Variants in MSN observed in about 807,000 individuals in gnomAD.
The protein encoded by MSN is moesin.
Under a neutral mutation model 48.0 loss-of-function variants are expected in MSN, and 2 were observed. The ratio of observed to expected loss-of-function variants is 0.04; its 90% CI spans 0.02 to 0.13. The LOEUF (loss-of-function observed/expected upper bound fraction) is 0.13, where lower values mean the gene tolerates loss of function less well. MSN is among the 10% of genes least tolerant of loss of function. The pLI is 1.00. For synonymous variants in MSN, 146 were observed against 166.9 expected (o/e 0.87, Z 0.97); for missense variants, 267 against 470.1 (o/e 0.57, Z 3.99).
chrX:65,660,163 C>T (rs767613804), intron 1 of MSN, among the ~76,000 whole-genome samples: 1 of 112,170 alleles, frequency 8.9e-6, no homozygotes, highest in South Asian at 3.7e-4. Context: ...AGCCCCTAAA[C>T]AATGTCTAGC....
chrX:65,622,725 C>T (rs2070462913), intron 1 of MSN, among the ~76,000 whole-genome samples: 1 of 109,928 alleles, frequency 9.1e-6, no homozygotes. Context: ...CTATGTTGGC[C>T]AGGCTGATCT....
intron 1 of MSN, among the ~76,000 whole-genome samples, chrX:65,610,989 C>T (rs1021696454): frequency 4.5e-5 from 5 of 111,276 alleles, no homozygotes; most frequent in Non-Finnish European, 9.4e-5. Flanking sequence ...CTCTTTTCAT[C>T]TTGCAAAATT....
chrX:65,630,297 G>A (rs1271548073), intron 1 of MSN, among the ~76,000 whole-genome samples: 3 of 111,676 alleles, frequency 2.7e-5, no homozygotes, highest in Non-Finnish European at 3.8e-5. Context: ...CTAAAGGCTG[G>A]GTGCAGTAAT....
intron 1 of MSN, among the ~76,000 whole-genome samples, chrX:65,658,199 C>T (rs1437862548): frequency 9.0e-6 from 1 of 111,492 alleles, no homozygotes; most frequent in African/African-American, 3.3e-5. Flanking sequence ...GGGTCTTTTT[C>T]CTTAGGGGAG....
chrX:65,719,231 G>A (rs1374749288), intron 2 of MSN, among the ~76,000 whole-genome samples: 1 of 112,127 alleles, frequency 8.9e-6, no homozygotes, highest in African/African-American at 3.2e-5. Context: ...ATCTTGGGCT[G>A]TAGGGTTGGC....
chrX:65,725,307 C>G (rs2071557346), intron 2 of MSN, among the ~76,000 whole-genome samples: 1 of 112,157 alleles, frequency 8.9e-6, no homozygotes, highest in African/African-American at 3.2e-5. Context: ...TAGCACTGCT[C>G]TACTACTTCT....
intron 1 of MSN, among the ~76,000 whole-genome samples, chrX:65,715,295 T>C (rs1481909525): frequency 1.8e-5 from 2 of 112,026 alleles, no homozygotes; most frequent in Non-Finnish European, 3.8e-5. Flanking sequence ...ATTGCCATGG[T>C]TATTCAGGCT....
At position 65,718,999 on chromosome X, in the gene MSN, T is replaced by C. The variant is rs2071492672; in HGVS notation, c.96+2098T>C. 4.5e-5 allele frequency among the ~76,000 whole-genome samples: 5 copies of C among 111,627 alleles called. No homozygotes were observed. The South Asian group carries it at 1.8e-3, about 41-fold the overall frequency. On this transcript the variant is annotated intron_variant, in intron 2 of 12. Coordinates refer to ENST00000360270, the MANE Select transcript of MSN (RefSeq NM_002444.3). The stretch of plus-strand genomic sequence containing the variant: ...ATCATTGATACTTAATTGGTGAAAA[T>C]ACAAATTAGTCTGAGGAATATTTAA...
At chrX:65,620,740 T>C (rs1459242526) in intron 1 of MSN, among the ~76,000 whole-genome samples, 1 of 111,565 alleles carries the variant, frequency 9.0e-6, no homozygotes, top group East Asian at 2.8e-4. Flanking sequence ...TCCTCCTCCA[T>C]GATGTTTTTT....
intron 2 of MSN, among the ~76,000 whole-genome samples, chrX:65,726,335 C>T (rs1188124193): frequency 2.7e-5 from 3 of 111,841 alleles, no homozygotes; most frequent in Non-Finnish European, 5.6e-5. Context: ...TAGTCAGACA[C>T]ATCATGGTTC....
intron 1 of MSN, among the ~76,000 whole-genome samples, chrX:65,704,506 C>T (rs1052375192): frequency 2.7e-5 from 3 of 111,129 alleles, no homozygotes; most frequent in African/African-American, 9.8e-5. Context: ...TCTGAGTTCT[C>T]CTTCCATGGT....
upstream of MSN, among the ~76,000 whole-genome samples, chrX:65,664,827 G>A (rs766130030): frequency 9.4e-6 from 1 of 106,756 alleles, no homozygotes; most frequent in African/African-American, 3.4e-5. Flanking sequence ...TTTGCTCACT[G>A]CAGCCTCTGC....
chrX:65,700,009 A>C (rs1278534064), intron 1 of MSN, among the ~76,000 whole-genome samples: 1 of 111,530 alleles, frequency 9.0e-6, no homozygotes, highest in Non-Finnish European at 1.9e-5. Flanking sequence ...GAGAGAATGC[A>C]TATGGGCAAG....
upstream of MSN, among the ~76,000 whole-genome samples, chrX:65,666,450 C>G (rs2070871075): frequency 1.8e-5 from 2 of 110,224 alleles, no homozygotes; most frequent in Admixed American, 9.7e-5. Flanking sequence ...CCTCAGCCTC[C>G]CGAGTAGCTC....
chrX:65,644,712 G>C (rs761094198), intron 1 of MSN, among the ~76,000 whole-genome samples: 1 of 111,401 alleles, frequency 9.0e-6, no homozygotes, highest in Admixed American at 9.6e-5. Context: ...TGGTAAGTGG[G>C]GGAAGCCATT....
At chrX:65,647,698 G>T (rs959820643) in intron 1 of MSN, among the ~76,000 whole-genome samples, 1 of 112,307 alleles carries the variant, frequency 8.9e-6, no homozygotes, top group African/African-American at 3.2e-5. Flanking sequence ...CATGGGGGAT[G>T]GATTGGAGGA....
upstream of MSN, among the ~76,000 whole-genome samples, chrX:65,663,119 G>A (rs946443839): frequency 7.3e-5 from 8 of 110,136 alleles, no homozygotes; most frequent in African/African-American, 2.7e-4. Context: ...TTAGCAAGGC[G>A]TGGTGGCATG....
At chrX:65,670,539 A>G (rs941882506) in intron 1 of MSN, among the ~76,000 whole-genome samples, 2 of 109,563 alleles carry the variant, frequency 1.8e-5, no homozygotes. Flanking sequence ...CCTGACCAAC[A>G]TGGTGAAACC....
chrX:65,666,957 TA>T (rs1049457168), upstream of MSN, among the ~76,000 whole-genome samples: 5 of 111,723 alleles, frequency 4.5e-5, no homozygotes, highest in African/African-American at 1.6e-4. Flanking sequence ...GGAGAGGGGC[TA>T]AAGGATCAGG....
Sources: gnomAD v4.1 joint callset for allele counts (sites outside exome capture counted in the v4.1 genomes callset) on GRCh38, gnomAD v4.1.1 for gene constraint, MANE v1.5 for transcripts, NCBI Gene and HGNC (gene_info 2026-07-23, HGNC 2026-07-21) for gene names.